The following RNLS variants were observed in gnomAD, a reference collection of about 807,000 sequenced individuals.
The protein encoded by RNLS is renalase.
A neutral mutation model predicts 39.8 loss-of-function variants in RNLS; 39 were observed. The ratio of observed to expected loss-of-function variants is 0.98; its 90% CI spans 0.76 to 1.28. The LOEUF (loss-of-function observed/expected upper bound fraction) is 1.28. Ranked by LOEUF, RNLS falls within the 50% of genes most tolerant of loss-of-function variation. RNLS has a pLI of 0.00. For synonymous variants in RNLS, 147 were observed against 150.7 expected (o/e 0.98, Z 0.18); for missense variants, 410 against 413.3 (o/e 0.99, Z 0.07).
chr10:88,549,581 A>C (rs535502904), intron 4 of RNLS, among the ~76,000 whole-genome samples: 1 of 152,234 alleles, frequency 6.6e-6, no homozygotes, highest in East Asian at 1.9e-4. Context: ...ATAAATAAAT[A>C]AATTCTTTTC....
At chr10:88,268,141 A>T in the RNLS span, among the ~76,000 whole-genome samples, 524 of 152,268 alleles carry the variant, frequency 3.4e-3, no homozygotes, top group African/African-American at 0.012. Flanking sequence ...GACCTACCAT[A>T]GTTCAGGGTT....
chr10:88,562,734 A>G lies in RNLS; in HGVS notation c.526+10169T>C, dbSNP rs114801388. Among the ~76,000 whole-genome samples the G allele has an allele frequency of 9.1e-3, 1,389 of 152,286 alleles. 21 individuals are homozygous for G. Among genetic ancestry groups the G allele is most frequent in the African/African-American group, 0.032 (1,337 of 41,578 alleles). ...ATAAAAACAACATAGTACTTACCCCAATAAATGTAAAAGGGTTGAACTCAT... is the reference window on the plus strand; with the variant it reads ...ATAAAAACAACATAGTACTTACCCCGATAAATGTAAAAGGGTTGAACTCAT... On this transcript the variant is annotated intron_variant, in intron 4 of 6. Transcript: ENST00000331772.
At chr10:88,237,165 G>A in the RNLS span, among the ~76,000 whole-genome samples, 1 of 151,586 alleles carries the variant, frequency 6.6e-6, no homozygotes, top group Non-Finnish European at 1.5e-5. Context: ...TATTTGTTAC[G>A]TGAACATGTC....
At position 88,313,516 on chromosome 10, in the gene RNLS, T is replaced by C. The variant is rs150594176; in HGVS notation, c.876+950A>G. Among the ~76,000 whole-genome samples the C allele has an allele frequency of 3.3e-5, 5 of 152,312 alleles. No homozygotes were observed. The East Asian group carries it at 9.6e-4, about 29-fold the overall frequency. ...TTTCCCCAAAGATTCACTGTGTAAT[T>C]TGACTTGAGAAGATATGAGTAAAAC... On this transcript the variant is annotated intron_variant, in intron 6 of 6. Coordinates refer to ENST00000331772, the MANE Select transcript of RNLS (RefSeq NM_001031709.3).
At chr10:88,541,272 C>A (rs1050241547) in intron 4 of RNLS, among the ~76,000 whole-genome samples, 45 of 152,092 alleles carry the variant, frequency 3.0e-4, no homozygotes, top group African/African-American at 8.5e-4. Flanking sequence ...AGATAACGAT[C>A]GAAAGGAACG....
At chr10:88,256,090 CA>C in the RNLS span, among the ~76,000 whole-genome samples, 1 of 152,140 alleles carries the variant, frequency 6.6e-6, no homozygotes, top group Non-Finnish European at 1.5e-5. Flanking sequence ...TTTTAAATTC[CA>C]GGCAAATGAT....
chr10:88,311,894 C>A (rs1845410308), intron 6 of RNLS, among the ~76,000 whole-genome samples: 1 of 152,218 alleles, frequency 6.6e-6, no homozygotes, highest in African/African-American at 2.4e-5. Context: ...TGTCCCCACA[C>A]AAAATACTCC....
At chr10:88,209,532 G>A in the RNLS span, among the ~76,000 whole-genome samples, 19 of 152,152 alleles carry the variant, frequency 1.2e-4, no homozygotes, top group Non-Finnish European at 2.1e-4. Flanking sequence ...AGAGAGCATG[G>A]CCTTCTAATA....
At chr10:88,297,421 T>C (rs182109655) in intron 6 of RNLS, among the ~76,000 whole-genome samples, 396 of 152,238 alleles carry the variant, frequency 2.6e-3, no homozygotes, top group Non-Finnish European at 4.5e-3. Flanking sequence ...TTAATGACCA[T>C]TGATGGTCAT....
intron 4 of RNLS, among the ~76,000 whole-genome samples, chr10:88,386,285 T>C (rs1851850368): frequency 6.6e-6 from 1 of 152,198 alleles, no homozygotes; most frequent in South Asian, 2.1e-4. Flanking sequence ...GGTGGTACTG[T>C]GCCATTAGAG....
chr10:88,496,221 TG>T (rs1726175121), intron 4 of RNLS, among the ~76,000 whole-genome samples: 1 of 152,106 alleles, frequency 6.6e-6, no homozygotes, highest in Non-Finnish European at 1.5e-5. Context: ...CAAGACTGTA[TG>T]AATCCAAGCC....
At chr10:88,178,801 C>G in the RNLS span, among the ~76,000 whole-genome samples, 7 of 152,208 alleles carry the variant, frequency 4.6e-5, no homozygotes, top group Non-Finnish European at 2.9e-5. Flanking sequence ...AGAACTTCCA[C>G]TGGAGATCTT....
chr10:88,563,845 C>A (rs1321983339), intron 4 of RNLS, among the ~76,000 whole-genome samples: 2 of 152,110 alleles, frequency 1.3e-5, no homozygotes, highest in East Asian at 1.9e-4. Context: ...ACTGGATGAA[C>A]AAGTGCTATA....
At position 88,583,140 on chromosome 10, in the gene RNLS, A is replaced by G. The variant is rs1302919379; in HGVS notation, c.51T>C (p.Ala17=). 2.5e-6 allele frequency: 4 copies of G among 1,613,958 alleles called. No individual in the cohort carries two copies. Among genetic ancestry groups the G allele is most frequent in the Non-Finnish European group, 3.4e-6 (4 of 1,179,956 alleles). Residue 17 remains alanine (A), a synonymous_variant, in exon 1 of 7, where the codon GCT becomes GCC. Coordinates refer to ENST00000331772, the MANE Select transcript of RNLS (RefSeq NM_001031709.3). ...VGAGMTGSLC[A]ALLRRQTSGP... ...CGGACGTCTGCCTCCTCAGCAGCGC[A>G]GCGCACAAGCTTCCTGTCATCCCGG...
chr10:88,583,283 C>T lies in RNLS; in HGVS notation c.-93G>A, dbSNP rs1389876731. On this transcript the variant is annotated 5_prime_UTR_variant, in exon 1 of 7. Transcript: ENST00000331772. ...AGGCGGCCGAACCGGCGCTAGCGCT[C>T]TTTGGTTCCGTGCTCCCTGGGCCGA... is the stretch of plus-strand genomic sequence containing the variant. 1.3e-6 allele frequency: 2 copies of T among 1,554,262 alleles called. No homozygotes were observed. The highest frequency in any genetic ancestry group is 1.7e-6 in the Non-Finnish European group (2 of 1,157,394).
intron 6 of RNLS, among the ~76,000 whole-genome samples, chr10:88,307,664 C>T (rs1845026467): frequency 6.6e-6 from 1 of 152,034 alleles, no homozygotes; most frequent in Admixed American, 6.6e-5. Flanking sequence ...AAACACTGCT[C>T]CAAGAAGACA....
the RNLS span, among the ~76,000 whole-genome samples, chr10:88,251,301 G>A: frequency 6.6e-6 from 1 of 152,354 alleles, no homozygotes; most frequent in East Asian, 1.9e-4. Flanking sequence ...CTGGCACCAG[G>A]AAGGTGCTCA....
chr10:88,557,843 C>T (rs1390147317), intron 4 of RNLS, among the ~76,000 whole-genome samples: 1 of 152,162 alleles, frequency 6.6e-6, no homozygotes, highest in Non-Finnish European at 1.5e-5. Flanking sequence ...GTTGATGACT[C>T]AGTTGGTGAT....
At chr10:88,245,645 T>TA in the RNLS span, among the ~76,000 whole-genome samples, 13 of 152,270 alleles carry the variant, frequency 8.5e-5, 1 homozygote, top group African/African-American at 3.1e-4. Flanking sequence ...TCTTTTCATT[T>TA]TTTTTTCTTT....
Sources: gnomAD v4.1 joint callset for allele counts (sites outside exome capture counted in the v4.1 genomes callset) on GRCh38, gnomAD v4.1.1 for gene constraint, MANE v1.5 for transcripts, NCBI Gene and HGNC (gene_info 2026-07-23, HGNC 2026-07-21) for gene names.